The following ANXA3 variants were observed in gnomAD, a reference collection of about 807,000 sequenced individuals.
ANXA3 encodes the protein annexin A3.
ANXA3 carries 46 observed loss-of-function variants against 48.8 expected under a neutral mutation model. The ratio of observed to expected loss-of-function variants is 0.94; its 90% CI spans 0.74 to 1.21. ANXA3 has a LOEUF of 1.21. Among genes scored for constraint, ANXA3 ranks in the 50% most tolerant of loss-of-function variants. The pLI is 0.00. For synonymous variants in ANXA3, 128 were observed against 134.7 expected, an observed-to-expected ratio of 0.95 and a Z score of 0.35; for missense variants, 383 against 378.6, an observed-to-expected ratio of 1.01 and a Z score of -0.10.
intron 4 of ANXA3, among the ~76,000 whole-genome samples, chr4:78,581,752 C>T (rs1055732725): frequency 1.3e-5 from 2 of 152,214 alleles, no homozygotes; most frequent in African/African-American, 4.8e-5. Flanking sequence ...CACTGTCCTC[C>T]CTTCCCCTTC....
chr4:78,602,593 T>G (rs1723566925), intron 11 of ANXA3: 1 of 152,218 alleles, frequency 6.6e-6, no homozygotes. Context: ...CTTGTCTGTC[T>G]TTACTGCCAG....
chr4:78,574,748 T>G (rs557802591), intron 3 of ANXA3, among the ~76,000 whole-genome samples: 1 of 152,248 alleles, frequency 6.6e-6, no homozygotes, highest in East Asian at 1.9e-4. Flanking sequence ...TATCAGAAGA[T>G]GGGAATATTG....
chr4:78,610,059 G>T lies in ANXA3; in HGVS notation c.916G>T (p.Asp306Tyr). Residue 306 changes from aspartate to tyrosine, a missense_variant, in exon 13 of 13, where the codon GAT becomes TAT. Coordinates refer to ENST00000264908, the MANE Select transcript of ANXA3 (RefSeq NM_005139.3). ...GYSLYSAIKS[D>Y]TSGDYEITLL... ...TCATTGATTTTATTCTTTGCAGTCG[G>T]ATACTTCTGGAGACTATGAAATCAC... is the stretch of plus-strand genomic sequence containing the variant. 6.2e-7 allele frequency: 1 copy of T among 1,605,972 alleles called. No homozygotes were observed. Among genetic ancestry groups the T allele is most frequent in the South Asian group, 1.1e-5 (1 of 90,188 alleles).
chr4:78,606,653 C>G (rs1331641657), intron 12 of ANXA3, among the ~76,000 whole-genome samples: 4 of 152,056 alleles, frequency 2.6e-5, no homozygotes, highest in Non-Finnish European at 5.9e-5. Flanking sequence ...AAGGTTTCTG[C>G]CTCTGACTTT....
chr4:78,593,142 CA>C (rs1356367189), intron 7 of ANXA3, among the ~76,000 whole-genome samples: 15 of 151,720 alleles, frequency 9.9e-5, no homozygotes, highest in African/African-American at 3.4e-4. Flanking sequence ...CACACACACA[CA>C]CACACACACC....
chr4:78,610,056 T>C lies in ANXA3; in HGVS notation c.913T>C (p.Ser305Pro). 1 of 1,605,836 alleles carries C rather than the reference T, an allele frequency of 6.2e-7. No individual in the cohort carries two copies. The highest frequency in any genetic ancestry group is 1.1e-5 in the South Asian group (1 of 90,272). Residue 305 changes from serine to proline, a missense_variant and splice_region_variant, in exon 13 of 13, where the codon TCG (serine) becomes CCG (proline). Coordinates refer to ENST00000264908, the MANE Select transcript of ANXA3 (RefSeq NM_005139.3). ...YGYSLYSAIK[S>P]DTSGDYEITL... ...TCTTCATTGATTTTATTCTTTGCAG[T>C]CGGATACTTCTGGAGACTATGAAAT...
At chr4:78,602,741 A>T (rs975229624) in intron 11 of ANXA3, 4 of 152,350 alleles carry the variant, frequency 2.6e-5, no homozygotes, top group Non-Finnish European at 5.9e-5. Context: ...TCCTAAGTGA[A>T]CACATCCTTT....
Position 78,610,048 on chromosome 4 carries a change from C to A in ANXA3, c.913-8C>A, listed in dbSNP as rs5950. On this transcript the variant is annotated splice_polypyrimidine_tract_variant and splice_region_variant and intron_variant, in intron 12 of 12. Coordinates refer to ENST00000264908, the MANE Select transcript of ANXA3 (RefSeq NM_005139.3). Reference sequence around the variant, plus strand: ...GTATTTGTTCTTCATTGATTTTATTCTTTGCAGTCGGATACTTCTGGAGAC... The same window carrying A: ...GTATTTGTTCTTCATTGATTTTATTATTTGCAGTCGGATACTTCTGGAGAC... The A allele has an allele frequency of 6.3e-7, 1 of 1,598,760 alleles. No individual in the cohort carries two copies. The highest frequency in any genetic ancestry group is 8.6e-7 in the Non-Finnish European group (1 of 1,168,252).
At chr4:78,594,787 CAT>C (rs1723381063) in intron 7 of ANXA3, among the ~76,000 whole-genome samples, 1 of 152,152 alleles carries the variant, frequency 6.6e-6, no homozygotes, top group Admixed American at 6.5e-5. Flanking sequence ...TTATCAGATA[CAT>C]GTTACAAATA....
intron 12 of ANXA3, 85 bp downstream of exon 12, chr4:78,604,484 T>G: frequency 8.5e-7 from 1 of 1,173,352 alleles, no homozygotes. Context: ...AATATAAAGA[T>G]ATTTGACTTA....
intron 2 of ANXA3, among the ~76,000 whole-genome samples, chr4:78,571,386 T>C (rs912687338): frequency 6.6e-6 from 1 of 152,246 alleles, no homozygotes; most frequent in Non-Finnish European, 1.5e-5. Context: ...AATTATTTTC[T>C]AGGTTCTAAA....
intron 12 of ANXA3, among the ~76,000 whole-genome samples, 160 bp from the exon 13 acceptor site, chr4:78,609,896 A>G (rs1560453959): frequency 6.6e-6 from 1 of 152,196 alleles, no homozygotes; most frequent in Non-Finnish European, 1.5e-5. Flanking sequence ...AATTACACTC[A>G]GGTATGAATG....
intron 2 of ANXA3, among the ~76,000 whole-genome samples, chr4:78,568,520 G>A (rs541071918): frequency 7.9e-5 from 12 of 152,232 alleles, no homozygotes; most frequent in African/African-American, 2.9e-4. Context: ...TGGCTTCACC[G>A]CATCTTCAAA....
chr4:78,586,621 T>C (rs562562701), intron 6 of ANXA3, among the ~76,000 whole-genome samples: 1 of 152,370 alleles, frequency 6.6e-6, no homozygotes, highest in Non-Finnish European at 1.5e-5. Context: ...CAATCTCTCA[T>C]TAATTGAATT....
chr4:78,601,720 C>T, intron 11 of ANXA3, 152 bp downstream of exon 11: 1 of 626,306 alleles, frequency 1.6e-6, no homozygotes, highest in Non-Finnish European at 2.8e-6. Flanking sequence ...AGGTATGATA[C>T]AATACACTCT....
chr4:78,585,597 A>C (rs1479598727), intron 5 of ANXA3, among the ~76,000 whole-genome samples: 1 of 152,254 alleles, frequency 6.6e-6, no homozygotes, highest in African/African-American at 2.4e-5. Flanking sequence ...TGGGGGTTCC[A>C]TTACTAAGCA....
chr4:78,554,392 G>A (rs1432795150), intron 1 of ANXA3, 44 bp from the exon 2 acceptor site: 1 of 1,297,620 alleles, frequency 7.7e-7, no homozygotes, highest in Non-Finnish European at 1.1e-6. Flanking sequence ...ATTGTGTTCT[G>A]AATCACATAT....
chr4:78,581,884 T>C (rs184705622), intron 4 of ANXA3, among the ~76,000 whole-genome samples: 4 of 152,282 alleles, frequency 2.6e-5, no homozygotes, highest in African/African-American at 9.6e-5. Context: ...AATCTAAGCA[T>C]TGAAAGCATG....
chr4:78,601,462 C>T (rs369670354), intron 10 of ANXA3, 48 bp from the exon 11 acceptor site: 10 of 1,564,574 alleles, frequency 6.4e-6, no homozygotes, highest in Non-Finnish European at 7.9e-6. Context: ...TATAGATTAA[C>T]CCAATTTCTA....
Sources: allele counts gnomAD v4.1 joint callset (sites outside exome capture counted in the v4.1 genomes callset), GRCh38; gene constraint gnomAD v4.1.1; transcripts MANE v1.5; gene names NCBI Gene and HGNC (gene_info 2026-07-23, HGNC 2026-07-21).